The following LIMS1 variants were observed in gnomAD, a reference collection of about 807,000 sequenced individuals.
LIMS1 encodes LIM zinc finger domain containing 1.
LIMS1 carries 18 observed loss-of-function variants against 44.1 expected under a neutral mutation model. The observed-to-expected ratio is 0.41, with a 90% confidence interval of 0.28 to 0.61. The LOEUF is 0.61. LIMS1 is among the 20% of genes least tolerant of loss of function. The probability of loss-of-function intolerance (pLI) is 0.32; values close to 1 mark genes in which losing one functional copy is unlikely to be tolerated. For missense variants in LIMS1, 201 were observed against 422.0 expected (o/e 0.48, Z 4.59); for synonymous variants, 93 against 149.1 (o/e 0.62, Z 2.74).
At chr2:108,660,159 A>C (rs2148969464) in intron 2 of LIMS1, 1 of 485,734 alleles carries the variant, frequency 2.1e-6, no homozygotes, top group East Asian at 6.5e-5. Flanking sequence ...TCAGAGGACC[A>C]CTGGACCTGC....
In LIMS1 at chr2:108,552,536, A is replaced by G. The variant is rs1351022074; in HGVS notation, c.32+17942A>G. On this transcript the variant is annotated intron_variant, in intron 1 of 9. Coordinates refer to ENST00000544547, the Ensembl canonical transcript of LIMS1. ...ATATATAAATATATCTTATATATTTATATATATACACTATGAGTGAACTTT... is the reference window on the plus strand; with the variant it reads ...ATATATAAATATATCTTATATATTTGTATATATACACTATGAGTGAACTTT... 2.7e-5 allele frequency among the ~76,000 whole-genome samples: 4 copies of G among 146,824 alleles called. No individual in the cohort carries two copies. The East Asian group carries it at 5.9e-4, about 22-fold the overall frequency.
chr2:108,541,452 G>C (rs1684312068), intron 1 of LIMS1, among the ~76,000 whole-genome samples: 1 of 152,220 alleles, frequency 6.6e-6, no homozygotes, highest in African/African-American at 2.4e-5. Context: ...TTGTTTTTCT[G>C]TGCAGGTACA....
At chr2:108,670,306 C>G (rs1692080636) in intron 2 of LIMS1, among the ~76,000 whole-genome samples, 1 of 151,398 alleles carries the variant, frequency 6.6e-6, no homozygotes, top group South Asian at 2.1e-4. Flanking sequence ...GGCAACATAG[C>G]AAGACTCCCA....
rs762965631 is a variant in LIMS1 at position 108,665,106 on chromosome 2, G to A, written c.192+5342G>A. On this transcript the variant is annotated intron_variant, in intron 2 of 9. Coordinates refer to ENST00000544547, the Ensembl canonical transcript of LIMS1. ...AAGTAGAAGCTTGGCTTTAGGAACT[G>A]TGTTGGATATTCTGTATTCAGGTAC... Among the ~76,000 whole-genome samples, 5 of 152,186 alleles carry A rather than the reference G, an allele frequency of 3.3e-5. No individual in the cohort carries two copies. The South Asian group carries it at 1.0e-3, about 32-fold the overall frequency.
chr2:108,580,184 T>C (rs778718176), intron 1 of LIMS1, among the ~76,000 whole-genome samples: 27 of 152,204 alleles, frequency 1.8e-4, no homozygotes, highest in Non-Finnish European at 3.1e-4. Context: ...AACTAGGGCT[T>C]TCCCGGTGTC....
intron 1 of LIMS1, among the ~76,000 whole-genome samples, chr2:108,645,070 C>A (rs1031305180): frequency 1.3e-5 from 2 of 152,134 alleles, no homozygotes; most frequent in Non-Finnish European, 2.9e-5. Context: ...AGTTGGAAAA[C>A]ATTCCTCAGG....
intron 1 of LIMS1, among the ~76,000 whole-genome samples, chr2:108,566,119 T>C (rs1685280994): frequency 6.6e-6 from 1 of 152,224 alleles, no homozygotes; most frequent in Non-Finnish European, 1.5e-5. Flanking sequence ...TGAAGCAGGC[T>C]CCGTCACTTA....
chr2:108,535,518 T>C (rs967432247), intron 1 of LIMS1, among the ~76,000 whole-genome samples: 1 of 152,344 alleles, frequency 6.6e-6, no homozygotes, highest in Non-Finnish European at 1.5e-5. Flanking sequence ...TGAATGCAGC[T>C]GTTACCCATT....
At chr2:108,555,184 T>C (rs907028463) in intron 1 of LIMS1, among the ~76,000 whole-genome samples, 11 of 152,196 alleles carry the variant, frequency 7.2e-5, no homozygotes, top group Admixed American at 5.9e-4. Flanking sequence ...GCCTCAGTCA[T>C]AAGGAAAGAC....
chr2:108,612,153 T>C (rs917039884), intron 1 of LIMS1, among the ~76,000 whole-genome samples: 6 of 151,394 alleles, frequency 4.0e-5, no homozygotes, highest in Admixed American at 4.0e-4. Flanking sequence ...ACTTCAGGCC[T>C]TTCTTTTATT....
At chr2:108,632,342 C>A (rs747482789) in intron 1 of LIMS1, among the ~76,000 whole-genome samples, 12 of 152,178 alleles carry the variant, frequency 7.9e-5, no homozygotes, top group Non-Finnish European at 1.3e-4. Flanking sequence ...CTTTTTACTT[C>A]CTAAGTACCT....
At chr2:108,565,282 G>A (rs1342676616) in intron 1 of LIMS1, among the ~76,000 whole-genome samples, 1 of 152,166 alleles carries the variant, frequency 6.6e-6, no homozygotes, top group Non-Finnish European at 1.5e-5. Context: ...CAATTTCTGG[G>A]AAGTTTATTA....
chr2:108,650,395 T>C (rs1162989761), intron 1 of LIMS1, among the ~76,000 whole-genome samples: 2 of 151,816 alleles, frequency 1.3e-5, no homozygotes, highest in African/African-American at 4.8e-5. Context: ...GTGTGCCGCC[T>C]AAACTTTCTT....
At chr2:108,534,347 C>A (rs1431206056), upstream of LIMS1, 1 of 244,008 alleles carries the variant, frequency 4.1e-6, no homozygotes, top group East Asian at 7.7e-5. Context: ...CCCCGCCCCT[C>A]CTTGCCCAGC....
intron 1 of LIMS1, among the ~76,000 whole-genome samples, chr2:108,609,884 T>C (rs1397356962): frequency 2.0e-5 from 3 of 152,178 alleles, no homozygotes; most frequent in Non-Finnish European, 2.9e-5. Context: ...GGCTCATGCC[T>C]GTAATCCCAG....
chr2:108,583,702 T>TTTTTTTC (rs1335170990), intron 1 of LIMS1, among the ~76,000 whole-genome samples: 1 of 145,508 alleles, frequency 6.9e-6, no homozygotes, highest in East Asian at 2.1e-4. Flanking sequence ...TGCTGTTTCT[T>TTTTTTTC]TTTTTTTTTT....
chr2:108,685,213 G>T (rs530742910), exon 10 of LIMS1: 19 of 152,174 alleles, frequency 1.2e-4, no homozygotes, highest in African/African-American at 4.1e-4. Context: ...AGGTATAAAT[G>T]ACACTCTTAA....
chr2:108,534,875 C>T (rs182085830), intron 1 of LIMS1, among the ~76,000 whole-genome samples: 5 of 152,298 alleles, frequency 3.3e-5, no homozygotes, highest in African/African-American at 4.8e-5. Context: ...CAGTATTTGC[C>T]GAGCTAATCA....
chr2:108,672,751 G>A (rs1176741824), intron 4 of LIMS1, 129 bp from the exon 5 acceptor site: 8 of 321,882 alleles, frequency 2.5e-5, no homozygotes, highest in Middle Eastern at 1.4e-3. Context: ...ATTCTGCCCC[G>A]TGAAGCACAG....
Sources: allele counts gnomAD v4.1 joint callset (sites outside exome capture counted in the v4.1 genomes callset), GRCh38; gene constraint gnomAD v4.1.1; transcripts MANE v1.5; gene names NCBI Gene and HGNC (gene_info 2026-07-23, HGNC 2026-07-21).